The following AMPD1 variants were observed in gnomAD, a reference collection of about 807,000 sequenced individuals.
The protein encoded by AMPD1 is AMP deaminase 1.
In AMPD1, 74 loss-of-function variants were observed where a neutral mutation model predicts 82.9. That is an observed-to-expected ratio of 0.89 (90% CI 0.74 to 1.08). AMPD1 has a LOEUF of 1.08. Among genes scored for constraint, AMPD1 ranks in the 50% least tolerant of loss-of-function variants. The pLI is 0.00. For missense variants in AMPD1, 881 were observed against 924.5 expected (o/e 0.95, Z 0.61); for synonymous variants, 333 against 320.5 (o/e 1.04, Z -0.42).
At chr1:114,673,406 G>A in intron 15 of AMPD1, 134 bp from the exon 16 acceptor site, 1 of 1,116,612 alleles carries the variant, frequency 9.0e-7, no homozygotes, top group South Asian at 1.4e-5. Flanking sequence ...ACCATTAAAA[G>A]CACCCATCTA....
At chr1:114,674,144 C>G in intron 13 of AMPD1, 62 bp from the exon 14 acceptor site, 3 of 1,456,772 alleles carry the variant, frequency 2.1e-6, no homozygotes, top group Non-Finnish European at 2.9e-6. Flanking sequence ...ACTAGAAACA[C>G]TACAATCTCA....
Position 114,682,626 on chromosome 1 carries a change from T to G in AMPD1, c.547+1573A>C, listed in dbSNP as rs532355656. Reference sequence around the variant, plus strand: ...CGGAGTCTCCCTCTGTCGCCCAGGCTGGAGTGCAGTGGCGCGATCTCAGCT... The same window carrying G: ...CGGAGTCTCCCTCTGTCGCCCAGGCGGGAGTGCAGTGGCGCGATCTCAGCT... On this transcript the variant is annotated intron_variant, in intron 5 of 15. Transcript: ENST00000520113. Among the ~76,000 whole-genome samples, 626 of 151,834 alleles carry G rather than the reference T, an allele frequency of 4.1e-3. 2 individuals carry two copies. Among genetic ancestry groups the G allele is most frequent in the Non-Finnish European group, 6.9e-3 (468 of 67,926 alleles).
intron 12 of AMPD1, 95 bp downstream of exon 12, chr1:114,675,435 G>T: frequency 7.5e-7 from 1 of 1,330,882 alleles, no homozygotes; most frequent in Non-Finnish European, 1.1e-6. Flanking sequence ...AACCATCACA[G>T]TAATGCATGA....
At chr1:114,691,373 C>G (rs900633636) in intron 2 of AMPD1, among the ~76,000 whole-genome samples, 1 of 150,354 alleles carries the variant, frequency 6.7e-6, no homozygotes, top group Admixed American at 6.6e-5. Flanking sequence ...GCCTGGGCAA[C>G]ATAGTGAGAA....
intron 10 of AMPD1, chr1:114,676,220 G>T (rs1417809152): frequency 3.8e-6 from 2 of 530,854 alleles, no homozygotes; most frequent in Non-Finnish European, 6.7e-6. Flanking sequence ...TGGACCCTAT[G>T]TCCCCATCTT....
chr1:114,685,969 T>C (rs1658305489), intron 4 of AMPD1, among the ~76,000 whole-genome samples: 1 of 152,176 alleles, frequency 6.6e-6, no homozygotes, highest in Admixed American at 6.5e-5. Flanking sequence ...ATTAAAACTA[T>C]ATTTGGAGCA....
chr1:114,686,976 G>C, intron 3 of AMPD1, 66 bp from the exon 4 acceptor site: 1 of 1,510,044 alleles, frequency 6.6e-7, no homozygotes. Flanking sequence ...GTGATAGATA[G>C]ATGTTTCTCT....
At chr1:114,691,805 A>C (rs1213076604) in intron 2 of AMPD1, among the ~76,000 whole-genome samples, 1 of 151,798 alleles carries the variant, frequency 6.6e-6, no homozygotes, top group Non-Finnish European at 1.5e-5. Flanking sequence ...CGTGCCTGTA[A>C]TCCCAGCTAC....
chr1:114,687,014 T>A, intron 3 of AMPD1, 104 bp from the exon 4 acceptor site: 1 of 1,269,234 alleles, frequency 7.9e-7, no homozygotes, highest in Non-Finnish European at 1.1e-6. Flanking sequence ...GGACAAAAAG[T>A]AAAAATTAAA....
At chr1:114,685,238 A>C (rs1478920632) in intron 4 of AMPD1, among the ~76,000 whole-genome samples, 1 of 152,138 alleles carries the variant, frequency 6.6e-6, no homozygotes, top group African/African-American at 2.4e-5. Flanking sequence ...CCTGCTTCCA[A>C]TGGCATGCGT....
intron 5 of AMPD1, among the ~76,000 whole-genome samples, chr1:114,682,965 A>T (rs192150094): frequency 9.1e-4 from 138 of 152,358 alleles, no homozygotes; most frequent in African/African-American, 3.2e-3. Flanking sequence ...GAAGATGTGT[A>T]TATAAAGATG....
intron 14 of AMPD1, 73 bp from the exon 15 acceptor site, chr1:114,673,822 T>C (rs1204196463): frequency 6.3e-7 from 1 of 1,578,564 alleles, no homozygotes; most frequent in Non-Finnish European, 8.7e-7. Flanking sequence ...GAAAAAATAA[T>C]GAAATACCTT....
intron 7 of AMPD1, 132 bp downstream of exon 7, chr1:114,679,447 T>G: frequency 1.6e-6 from 2 of 1,282,062 alleles, no homozygotes; most frequent in Non-Finnish European, 2.2e-6. Flanking sequence ...ATCTATTATC[T>G]GTTTTTACTA....
rs565635146 is a variant in AMPD1, at chr1:114,685,474, G to C, written c.382-1110C>G. Among the ~76,000 whole-genome samples the C allele has an allele frequency of 2.0e-5, 3 of 152,256 alleles. No homozygotes were observed. In the East Asian group the frequency reaches 5.8e-4, roughly 29 times the overall value. ...AAATTACTAGGGTGAAGACTAATTTGGGTACAGACTACAACCAGGTAGAGC... is the reference window on the plus strand; with the variant it reads ...AAATTACTAGGGTGAAGACTAATTTCGGTACAGACTACAACCAGGTAGAGC... On this transcript the variant is annotated intron_variant, in intron 4 of 15. Transcript: ENST00000520113.
At chr1:114,692,674 C>T (rs1476359623) in intron 2 of AMPD1, among the ~76,000 whole-genome samples, 1 of 151,448 alleles carries the variant, frequency 6.6e-6, no homozygotes, top group Non-Finnish European at 1.5e-5. Flanking sequence ...AGCAAGACTC[C>T]ATCTCAAAAA....
chr1:114,693,414 G>T (rs1658579216), intron 2 of AMPD1, 22 bp downstream of exon 2: 5 of 1,608,084 alleles, frequency 3.1e-6, no homozygotes, highest in Non-Finnish European at 4.3e-6. Context: ...ACAAATGGCA[G>T]CAAAAGTAAT....
chr1:114,675,859 C>G lies in AMPD1; in HGVS notation c.1515+18G>C, dbSNP rs757021387. On this transcript the variant is annotated intron_variant, in intron 11 of 15. Transcript: ENST00000520113. ...GGTTCATGAGCAGCAGTATGAAGGC[C>G]TGAAGGGTCATGCTTACATGCTTGA... 10 of 1,614,112 alleles carry G rather than the reference C, an allele frequency of 6.2e-6. No homozygotes were observed. The highest frequency in any genetic ancestry group is 7.6e-6 in the Non-Finnish European group (9 of 1,179,978).
intron 2 of AMPD1, among the ~76,000 whole-genome samples, chr1:114,690,010 T>C (rs1658467330): frequency 1.3e-5 from 2 of 152,132 alleles, no homozygotes; most frequent in Non-Finnish European, 2.9e-5. Flanking sequence ...AGCTAGCTAT[T>C]TGGAGCAACA....
At chr1:114,685,654 A>G (rs1440837893) in intron 4 of AMPD1, among the ~76,000 whole-genome samples, 1 of 152,104 alleles carries the variant, frequency 6.6e-6, no homozygotes. Context: ...TCGTCCTCCT[A>G]ACTTCTTTGT....
Sources: gnomAD v4.1 joint callset for allele counts (sites outside exome capture counted in the v4.1 genomes callset) on GRCh38, gnomAD v4.1.1 for gene constraint, MANE v1.5 for transcripts, NCBI Gene and HGNC (gene_info 2026-07-23, HGNC 2026-07-21) for gene names.